SNED1: variants seen among roughly 807,000 people sequenced by gnomAD.
The protein encoded by SNED1 is sushi, nidogen and EGF like domains 1, also known as sushi, nidogen and EGF-like domain-containing protein 1.
Under a neutral mutation model 166.7 loss-of-function variants are expected in SNED1, and 81 were observed. That is an observed-to-expected ratio of 0.49 (90% confidence interval 0.41 to 0.58). The LOEUF (loss-of-function observed/expected upper bound fraction) is 0.58, where lower values mean the gene tolerates loss of function less well. Among genes scored for constraint, SNED1 ranks in the 20% least tolerant of loss-of-function variants. The pLI, the probability that SNED1 is intolerant of heterozygous loss-of-function variation, is 0.00. For synonymous variants in SNED1, 762 were observed against 822.0 expected (o/e 0.93, Z 1.25); for missense variants, 1,604 against 2,000.2 (o/e 0.80, Z 3.78).
In SNED1 at chr2:240,999,922, C is replaced by T. The variant is rs2060027126; in HGVS notation, c.213+872C>T. On this transcript the variant is annotated intron_variant, in intron 1 of 31. Transcript: ENST00000310397. The surrounding 1 kb of genome is among the most constrained non-coding windows in gnomAD (Gnocchi z 5.8). ...CATATCTAGAAAACTGCTGGGCCAG[C>T]CTCAAGTAGAGTCCCCTCCAGCTCC... Among the ~76,000 whole-genome samples, 1 of 152,162 alleles carries T rather than the reference C, an allele frequency of 6.6e-6. No individual in the cohort carries two copies. The highest frequency in any genetic ancestry group is 2.4e-5 in the African/African-American group (1 of 41,428).
chr2:241,058,210 A>G (rs59306892), intron 16 of SNED1, among the ~76,000 whole-genome samples: 14,356 of 152,242 alleles, frequency 0.094, 782 homozygotes, highest in East Asian at 0.19. Context: ...GTGTCTCTCA[A>G]TGATAATTGG....
At chr2:241,071,438 T>A in intron 24 of SNED1, 138 bp from the exon 25 acceptor site, 1 of 998,446 alleles carries the variant, frequency 1.0e-6, no homozygotes, top group Non-Finnish European at 1.5e-6. Context: ...GCACCTTGGA[T>A]GACCACGGCC....
At chr2:241,088,278 TCAGCAGG>T (rs2063687714) in intron 30 of SNED1, 80 bp from the exon 31 acceptor site, 1 of 927,702 alleles carries the variant, frequency 1.1e-6, no homozygotes, top group African/African-American at 1.6e-5. Context: ...AGACAGGATC[TCAGCAGG>T]CAGCCTGGAC....
chr2:241,009,595 A>C (rs1454844187), intron 1 of SNED1, among the ~76,000 whole-genome samples: 2 of 152,104 alleles, frequency 1.3e-5, no homozygotes, highest in Non-Finnish European at 2.9e-5. Flanking sequence ...GGGAAGCCAC[A>C]GGGAGACCCA....
rs923710734 is a variant in SNED1, at chr2:241,093,088, A to G, written c.*1452A>G. ...ATGTGCATGTGTCTGTGTATTCTGC[A>G]ATTTGTCATTTTCAGAAAGAAGGAA... On this transcript the variant is annotated 3_prime_UTR_variant, in exon 32 of 32. Coordinates refer to ENST00000310397, the MANE Select transcript of SNED1 (RefSeq NM_001080437.3). The G allele has an allele frequency of 2.0e-5, 3 of 152,208 alleles. No homozygotes were observed. The highest frequency in any genetic ancestry group is 7.2e-5 in the African/African-American group (3 of 41,404). 9.4% of individuals were successfully genotyped at this position (152,208 alleles called of 1,614,324 possible). A position where few individuals can be genotyped will look rare whatever the true frequency, so the allele number is the denominator to read the frequency against.
intron 27 of SNED1, among the ~76,000 whole-genome samples, chr2:241,079,411 CAAAAAAA>C (rs757361914): frequency 1.3e-5 from 1 of 74,462 alleles, no homozygotes; most frequent in African/African-American, 4.6e-5. Flanking sequence ...GACTCCATCT[CAAAAAAA>C]AAAAAAAAAA....
Position 240,999,156 on chromosome 2 carries a change from C to A in SNED1, c.213+106C>A. The A allele has an allele frequency of 1.6e-6, 1 of 613,276 alleles. No homozygotes were observed. The highest frequency in any genetic ancestry group is 2.3e-6 in the Non-Finnish European group (1 of 438,420). The allele number at this position is 613,276 out of a possible 1,614,324, so 38.0% of individuals were successfully genotyped here. A position where few individuals can be genotyped will look rare whatever the true frequency, so the allele number is the denominator to read the frequency against. Reference sequence around the variant, plus strand: ...CGCCGCCGCCGCCAGCCACTTGGCACCGGGGCGGCCCGAGGTGGAATGAGG... The same window carrying A: ...CGCCGCCGCCGCCAGCCACTTGGCAACGGGGCGGCCCGAGGTGGAATGAGG... On this transcript the variant is annotated intron_variant, in intron 1 of 31. Coordinates refer to ENST00000310397, the MANE Select transcript of SNED1 (RefSeq NM_001080437.3). The surrounding 1 kb of genome is among the most constrained non-coding windows in gnomAD (Gnocchi z 5.8).
chr2:241,080,869 C>T (rs573732853), intron 27 of SNED1, among the ~76,000 whole-genome samples: 198 of 152,346 alleles, frequency 1.3e-3, no homozygotes, highest in Non-Finnish European at 2.2e-3. Flanking sequence ...AGGGTGACCA[C>T]GGGGTAGGTG....
intron 2 of SNED1, among the ~76,000 whole-genome samples, chr2:241,032,373 G>A (rs1559240916): frequency 1.3e-5 from 2 of 151,380 alleles, no homozygotes; most frequent in South Asian, 2.1e-4. Context: ...AAATCTACAC[G>A]TTCATACTCG....
Position 241,082,294 on chromosome 2 carries a change from C to T in SNED1, c.4051C>T (p.Arg1351Cys), listed in dbSNP as rs1353454123. The change falls in exon 29 of 32, where the codon CGC (arginine) becomes TGC (cysteine). Residue 1351 changes from arginine (R) to cysteine (C), a missense_variant. Arg to Cys is a radical substitution (Grantham distance 180). Transcript: ENST00000310397. ...RCELACIKVS[R>C]PCTRLFSETK... ...TGTCGCAGCCTGTATAAAGGTGTCC[C>T]GCCCCTGCACAAGGCTGTTCTCCGA... is the stretch of plus-strand genomic sequence containing the variant. The T allele has an allele frequency of 1.2e-6, 2 of 1,613,102 alleles. No homozygotes were observed. The highest frequency in any genetic ancestry group is 1.7e-5 in the Admixed American group (1 of 60,002).
At chr2:241,017,908 A>G (rs185368311) in intron 1 of SNED1, among the ~76,000 whole-genome samples, 19 of 152,354 alleles carry the variant, frequency 1.2e-4, no homozygotes, top group Admixed American at 3.3e-4. Context: ...GCCACCGTCA[A>G]TAATTACAGA....
Position 241,068,998 on chromosome 2 carries a change from C to T in SNED1, c.3282C>T (p.Ala1094=), listed in dbSNP as rs748654698. The T allele has an allele frequency of 1.3e-6, 2 of 1,553,666 alleles. No homozygotes were observed. The highest frequency in any genetic ancestry group is 3.9e-5 in the Admixed American group (2 of 51,336). ...RGEEHPTESL[A]TAPTHVWTRP... ...AGGAGCACCCCACAGAGAGCCTGGC[C>T]ACCGCGCCGACGCACGTGTGGACCC... The change falls in exon 23 of 32, where the codon GCC becomes GCT. Residue 1094 remains alanine, a synonymous_variant. Coordinates refer to ENST00000310397, the MANE Select transcript of SNED1 (RefSeq NM_001080437.3). This position sits in a 1 kb window ranked among gnomAD's most constrained non-coding sequence, Gnocchi z 5.3.
intron 28 of SNED1, 110 bp from the exon 29 acceptor site, chr2:241,082,167 G>A: frequency 2.4e-6 from 2 of 828,344 alleles, no homozygotes; most frequent in Non-Finnish European, 3.9e-6. Flanking sequence ...CCGCCTTGGA[G>A]GAAGCCAGCC....
chr2:241,039,969 T>C, intron 6 of SNED1, 106 bp from the exon 7 acceptor site: 2 of 894,684 alleles, frequency 2.2e-6, no homozygotes, highest in East Asian at 5.3e-5. Flanking sequence ...CCCCCTGCAA[T>C]GTAAGCCAGT....
Position 240,999,135 on chromosome 2 carries a change from G to GGGCCCGGA in SNED1, c.213+85_213+86insGGCCCGGA. The stretch of plus-strand genomic sequence containing the variant: ...TGCCCGCCGGGCCCGGACTCCCGCC[G>GGGCCCGGA]CCGCCGCCAGCCACTTGGCACCGGG... On this transcript the variant is annotated intron_variant, in intron 1 of 31. Transcript: ENST00000310397. This position sits in a 1 kb window ranked among gnomAD's most constrained non-coding sequence, Gnocchi z 5.8. 1.3e-6 allele frequency: 1 copy of GGGCCCGGA among 793,840 alleles called. No individual in the cohort carries two copies. The highest frequency in any genetic ancestry group is 1.7e-6 in the Non-Finnish European group (1 of 600,180). The allele number at this position is 793,840 out of a possible 1,614,324, so 49.2% of individuals were successfully genotyped here.
At chr2:241,065,957 G>C (rs139892947) in intron 21 of SNED1, among the ~76,000 whole-genome samples, 77 of 152,274 alleles carry the variant, frequency 5.1e-4, no homozygotes, top group African/African-American at 1.7e-3. Flanking sequence ...GTGGGCTTGG[G>C]GGGGCTGGGA....
chr2:241,039,528 C>T (rs986661398), intron 6 of SNED1, among the ~76,000 whole-genome samples: 14 of 152,056 alleles, frequency 9.2e-5, no homozygotes, highest in Admixed American at 3.3e-4. Flanking sequence ...GGCCAGCATC[C>T]GGTGAGGAGG....
intron 31 of SNED1, among the ~76,000 whole-genome samples, chr2:241,090,890 AAG>A (rs1323059549): frequency 7.2e-5 from 11 of 152,010 alleles, no homozygotes; most frequent in African/African-American, 1.5e-4. Context: ...AAAAAGAAAA[AAG>A]AATTCTGTAC....
chr2:241,081,532 G>A, intron 27 of SNED1, 145 bp from the exon 28 acceptor site: 1 of 646,688 alleles, frequency 1.5e-6, no homozygotes, highest in South Asian at 1.8e-5. Context: ...AGGGCCCAGA[G>A]GCGTTTGGGA....
Sources: allele counts gnomAD v4.1 joint callset (sites outside exome capture counted in the v4.1 genomes callset), GRCh38; gene constraint gnomAD v4.1.1; non-coding constraint Gnocchi (gnomAD v3.1); transcripts MANE v1.5; gene names NCBI Gene and HGNC (gene_info 2026-07-23, HGNC 2026-07-21).